The following PPP1R1C variants were observed in gnomAD, a reference collection of about 807,000 sequenced individuals.
PPP1R1C encodes protein phosphatase 1 regulatory inhibitor subunit 1C.
PPP1R1C carries 15 observed loss-of-function variants against 17.4 expected under a neutral mutation model. The ratio of observed to expected loss-of-function variants is 0.86; its 90% confidence interval spans 0.58 to 1.33. The LOEUF (loss-of-function observed/expected upper bound fraction) is 1.33. Ranked by LOEUF, PPP1R1C falls within the 40% of genes most tolerant of loss-of-function variation. PPP1R1C has a pLI of 0.00. For synonymous variants in PPP1R1C, 35 were observed against 43.1 expected, an observed-to-expected ratio of 0.81 and a Z score of 0.73; for missense variants, 143 against 130.0, an observed-to-expected ratio of 1.10 and a Z score of -0.48.
chr2:181,966,947 C>T (rs1458233639), intron 1 of PPP1R1C, among the ~76,000 whole-genome samples: 1 of 152,004 alleles, frequency 6.6e-6, no homozygotes, highest in Non-Finnish European at 1.5e-5. Context: ...CTTGGCTTTT[C>T]CTTACTGGGA....
chr2:182,130,457 G>A (rs1689978987), downstream of PPP1R1C: 1 of 152,146 alleles, frequency 6.6e-6, no homozygotes, highest in South Asian at 2.1e-4. Context: ...TGACTTCAAA[G>A]TCCCATTATT....
intron 2 of PPP1R1C, among the ~76,000 whole-genome samples, chr2:181,999,394 AGGGTGAT>A (rs1158305685): frequency 6.6e-6 from 1 of 152,174 alleles, no homozygotes; most frequent in Non-Finnish European, 1.5e-5. Context: ...TTACAGAGAG[AGGGTGAT>A]GGGTGAGCTG....
chr2:182,046,246 T>C (rs1041022493), intron 2 of PPP1R1C, among the ~76,000 whole-genome samples: 2 of 152,142 alleles, frequency 1.3e-5, no homozygotes, highest in Non-Finnish European at 2.9e-5. Context: ...CTGTTGTACA[T>C]TAGTTCTCTA....
intron 2 of PPP1R1C, among the ~76,000 whole-genome samples, chr2:181,999,780 CA>C (rs369734736): frequency 0.046 from 6,414 of 139,246 alleles, 155 homozygotes; most frequent in African/African-American, 0.072. Flanking sequence ...AAGCTAAAAA[CA>C]AAAAAAAAAA....
At chr2:181,978,538 G>A (rs966284765) in intron 2 of PPP1R1C, among the ~76,000 whole-genome samples, 3 of 152,190 alleles carry the variant, frequency 2.0e-5, no homozygotes, top group Admixed American at 6.5e-5. Context: ...CTCAGTTGAG[G>A]GTGCCCACTG....
At chr2:182,128,618 G>T (rs1689932419) in intron 5 of PPP1R1C, among the ~76,000 whole-genome samples, 1 of 149,318 alleles carries the variant, frequency 6.7e-6, no homozygotes, top group African/African-American at 2.5e-5. Flanking sequence ...AGAAATGCAT[G>T]AACACACATA....
chr2:182,101,680 G>T (rs1574453388), intron 4 of PPP1R1C, among the ~76,000 whole-genome samples: 1 of 152,248 alleles, frequency 6.6e-6, no homozygotes, highest in Admixed American at 6.5e-5. Flanking sequence ...GTAATACGGT[G>T]TTGGTATGTG....
chr2:181,960,003 T>G (rs1043233827), intron 1 of PPP1R1C, among the ~76,000 whole-genome samples: 1 of 152,246 alleles, frequency 6.6e-6, no homozygotes, highest in African/African-American at 2.4e-5. Context: ...CATGTGATTC[T>G]TGTGTTAATT....
chr2:182,044,851 A>G (rs919359434), intron 2 of PPP1R1C, among the ~76,000 whole-genome samples: 2 of 152,226 alleles, frequency 1.3e-5, no homozygotes, highest in African/African-American at 4.8e-5. Context: ...ATAGGCGTTA[A>G]TCTACAAACT....
intron 2 of PPP1R1C, among the ~76,000 whole-genome samples, chr2:182,057,141 A>G (rs1418807910): frequency 1.3e-5 from 2 of 152,204 alleles, no homozygotes; most frequent in Admixed American, 1.3e-4. Context: ...AATTTATTTG[A>G]CAGGTTGTTA....
intron 2 of PPP1R1C, among the ~76,000 whole-genome samples, chr2:182,034,233 AC>A (rs971631779): frequency 4.6e-5 from 7 of 152,154 alleles, no homozygotes; most frequent in African/African-American, 1.7e-4. Flanking sequence ...TAAATCAATC[AC>A]TACACAAATG....
chr2:182,046,756 A>G lies in PPP1R1C; in HGVS notation c.143-14686A>G, dbSNP rs1485275850. On this transcript the variant is annotated intron_variant, in intron 2 of 4. Transcript: ENST00000682840. ...CTGTCTCAAGAAAAAAAAAAAAAAG[A>G]AAGAAATACGTTGATAATAATTTTA... 3.3e-5 allele frequency among the ~76,000 whole-genome samples: 5 copies of G among 151,792 alleles called. No individual in the cohort carries two copies. In the East Asian group the frequency reaches 5.8e-4, roughly 18 times the overall value.
chr2:182,028,824 C>G (rs1686710710), intron 2 of PPP1R1C, among the ~76,000 whole-genome samples: 2 of 114,554 alleles, frequency 1.7e-5, no homozygotes, highest in Admixed American at 1.8e-4. Flanking sequence ...TTAAAGTCTC[C>G]CATTATTAAT....
intron 2 of PPP1R1C, among the ~76,000 whole-genome samples, chr2:182,043,409 G>A (rs1419206556): frequency 6.6e-6 from 1 of 152,078 alleles, no homozygotes; most frequent in Non-Finnish European, 1.5e-5. Flanking sequence ...ACAAGCAAAA[G>A]GATATCTGAT....
At chr2:182,056,707 C>T (rs1687694335) in intron 2 of PPP1R1C, among the ~76,000 whole-genome samples, 1 of 152,136 alleles carries the variant, frequency 6.6e-6, no homozygotes, top group African/African-American at 2.4e-5. Context: ...CATTCCTTTC[C>T]ATGGTTTTAG....
downstream of PPP1R1C, among the ~76,000 whole-genome samples, chr2:182,118,760 T>C (rs1425849101): frequency 6.6e-6 from 1 of 152,022 alleles, no homozygotes; most frequent in African/African-American, 2.4e-5. Context: ...ATGACTATTC[T>C]AGATTCCTCT....
At chr2:181,982,436 T>A (rs1222493837), upstream of PPP1R1C, among the ~76,000 whole-genome samples, 2 of 152,212 alleles carry the variant, frequency 1.3e-5, no homozygotes, top group African/African-American at 4.8e-5. Flanking sequence ...AACTACTAGA[T>A]GACGAGCATC....
At position 182,026,035 on chromosome 2, in the gene PPP1R1C, C is replaced by T. The variant is rs1401156928; in HGVS notation, c.143-35407C>T. Among the ~76,000 whole-genome samples, 486 of 108,040 alleles carry T rather than the reference C, an allele frequency of 4.5e-3. 4 individuals are homozygous for T. Among genetic ancestry groups the T allele is most frequent in the African/African-American group, 0.016 (399 of 25,034 alleles). 70.9% of individuals were successfully genotyped at this position (108,040 alleles called of 152,430 possible). ...TTGAGAAGTGTCTGTTCATGTCCTTCGCCCACTTTTTGATGGGGTTGTTTG... is the reference window on the plus strand; with the variant it reads ...TTGAGAAGTGTCTGTTCATGTCCTTTGCCCACTTTTTGATGGGGTTGTTTG... On this transcript the variant is annotated intron_variant, in intron 2 of 4. Coordinates refer to ENST00000682840, the MANE Select transcript of PPP1R1C (RefSeq NM_001080545.3).
intron 5 of PPP1R1C, among the ~76,000 whole-genome samples, chr2:182,125,984 C>A (rs935939783): frequency 1.3e-5 from 2 of 151,934 alleles, no homozygotes; most frequent in African/African-American, 4.8e-5. Context: ...TGCTTCTCTA[C>A]TTCTTTTAAT....
Sources: allele counts gnomAD v4.1 joint callset (sites outside exome capture counted in the v4.1 genomes callset), GRCh38; gene constraint gnomAD v4.1.1; transcripts MANE v1.5; gene names NCBI Gene and HGNC (gene_info 2026-07-23, HGNC 2026-07-21).